Variants in CDK12 observed in about 807,000 individuals in gnomAD.
The protein encoded by CDK12 is cyclin dependent kinase 12.
A neutral mutation model predicts 133.8 loss-of-function variants in CDK12; 17 were observed. That is an observed-to-expected ratio of 0.13 (90% CI 0.09 to 0.19). The LOEUF is 0.19. Among genes scored for constraint, CDK12 ranks in the 10% least tolerant of loss-of-function variants. CDK12 has a pLI of 1.00. For missense variants in CDK12, 1,508 were observed against 1,818.7 expected (o/e 0.83, Z 3.11); for synonymous variants, 694 against 683.6 (o/e 1.02, Z -0.24).
At chr17:39,556,390 A>G (rs2056163923) in exon 3 of CDK12, 1 of 152,262 alleles carries the variant, frequency 6.6e-6, no homozygotes, top group Non-Finnish European at 1.5e-5. Context: ...ATCCTTCCCC[A>G]CAAGTATACT....
chr17:39,468,818 T>A (rs36086097), intron 1 of CDK12, among the ~76,000 whole-genome samples: 8,230 of 151,048 alleles, frequency 0.054, 280 homozygotes, highest in Middle Eastern at 0.09. Flanking sequence ...TTTATTTATT[T>A]ATTTATTTAT....
At chr17:39,538,649 A>G (rs2055255051), downstream of CDK12, among the ~76,000 whole-genome samples, 1 of 152,218 alleles carries the variant, frequency 6.6e-6, no homozygotes, top group Non-Finnish European at 1.5e-5. Flanking sequence ...CTGTAATCCC[A>G]GCACTTTGGG....
At chr17:39,517,299 T>C (rs1443216744) in intron 9 of CDK12, 141 bp from the exon 10 acceptor site, 4 of 638,518 alleles carry the variant, frequency 6.3e-6, no homozygotes, top group Non-Finnish European at 1.1e-5. Flanking sequence ...TAATGTCATA[T>C]TTTCCTTTCT....
chr17:39,463,974 T>C (rs1301871137), intron 1 of CDK12, among the ~76,000 whole-genome samples: 1 of 152,122 alleles, frequency 6.6e-6, no homozygotes, highest in Non-Finnish European at 1.5e-5. Flanking sequence ...GGGCTTTAGT[T>C]AGACCTTTGT....
Position 39,461,710 on chromosome 17 carries a change from T to C in CDK12, c.-362T>C. The C allele has an allele frequency of 6.1e-6, 2 of 325,422 alleles. 1 individual carries two copies. Among genetic ancestry groups the C allele is most frequent in the South Asian group, 1.2e-4 (2 of 16,812 alleles). The allele number at this position is 325,422 out of a possible 1,614,324, so 20.2% of individuals were successfully genotyped here. A position where few individuals can be genotyped will look rare whatever the true frequency, so the allele number is the denominator to read the frequency against. On this transcript the variant is annotated 5_prime_UTR_variant, in exon 1 of 14. Coordinates refer to ENST00000447079, the MANE Select transcript of CDK12 (RefSeq NM_016507.4). ...CGTAGTCCTCGCAGGGCCCCAGAGC[T>C]GGAGTCGGCTCCACAGCCCCGGGCC...
chr17:39,560,065 G>A (rs138837098), intron 3 of CDK12, among the ~76,000 whole-genome samples: 1 of 152,262 alleles, frequency 6.6e-6, no homozygotes, highest in Non-Finnish European at 1.5e-5. Flanking sequence ...TCAAGTTGCT[G>A]AGACTACAGG....
At chr17:39,471,962 C>T (rs1057186120) in intron 2 of CDK12, among the ~76,000 whole-genome samples, 199 bp downstream of exon 2, 7 of 151,952 alleles carry the variant, frequency 4.6e-5, no homozygotes, top group Admixed American at 3.3e-4. Flanking sequence ...CCCATTTTAT[C>T]ATTAAGTTTA....
intron 2 of CDK12, among the ~76,000 whole-genome samples, chr17:39,477,864 C>T (rs1296050188): frequency 1.3e-5 from 2 of 151,952 alleles, no homozygotes; most frequent in Admixed American, 1.3e-4. Context: ...TGAGCCACTG[C>T]ACCCCGCCTA....
downstream of CDK12, chr17:39,534,640 G>T (rs993948981): frequency 2.4e-5 from 5 of 209,046 alleles, no homozygotes; most frequent in African/African-American, 1.1e-4. Context: ...TATCTTAGGG[G>T]TTCTCTGTCT....
chr17:39,527,841 C>A (rs1366203813), intron 13 of CDK12, among the ~76,000 whole-genome samples: 1 of 152,042 alleles, frequency 6.6e-6, no homozygotes, highest in Non-Finnish European at 1.5e-5. Flanking sequence ...GCCACTACCC[C>A]CGGCCTGAAG....
At chr17:39,538,898 C>CGAAT (rs200972378), downstream of CDK12, among the ~76,000 whole-genome samples, 6 of 143,886 alleles carry the variant, frequency 4.2e-5, no homozygotes, top group Admixed American at 2.8e-4. Flanking sequence ...GACTCCATCT[C>CGAAT]AAATAAATAC....
intron 2 of CDK12, among the ~76,000 whole-genome samples, chr17:39,481,721 CTTTTTTCTTTTTTT>C (rs2050721085): frequency 4.7e-5 from 1 of 21,074 alleles, no homozygotes; most frequent in Non-Finnish European, 1.1e-4. Flanking sequence ...TTTCTCTTTT[CTTTTTTCTTTTTTT>C]TTTTTGACAA....
intron 8 of CDK12, among the ~76,000 whole-genome samples, chr17:39,513,982 T>G (rs749376557): frequency 3.3e-5 from 5 of 152,218 alleles, no homozygotes; most frequent in Non-Finnish European, 5.9e-5. Flanking sequence ...TAAATGTCTC[T>G]GATTTTACCC....
At position 39,492,806 on chromosome 17, in the gene CDK12, C is replaced by T. The variant is rs1488101050; in HGVS notation, c.2164C>T (p.Arg722Cys). The change falls in exon 4 of 14, where the codon CGC (arginine) becomes TGC (cysteine). Residue 722 changes from arginine (R) to cysteine (C), a missense_variant. By Grantham distance (180) the Arg-to-Cys change is radical (BLOSUM62 -3). Coordinates refer to ENST00000447079, the MANE Select transcript of CDK12 (RefSeq NM_016507.4). The stretch of plus-strand genomic sequence containing the variant: ...ACAAACAGAAAGCGACTGGGGGAAA[C>T]GCTGTGTGGACAAGTTTGACATTAT... ...RRQTESDWGKRCVDKFDIIGI... is the reference protein window; with the variant it reads ...RRQTESDWGKCCVDKFDIIGI... 5.0e-6 allele frequency: 8 copies of T among 1,613,030 alleles called. No individual in the cohort carries two copies. The highest frequency in any genetic ancestry group is 3.3e-5 in the Admixed American group (2 of 59,956).
At chr17:39,562,924 T>TA (rs2056434157) in intron 3 of CDK12, among the ~76,000 whole-genome samples, 1 of 131,140 alleles carries the variant, frequency 7.6e-6, no homozygotes, top group South Asian at 2.2e-4. Context: ...TTTTTTTTTT[T>TA]ACAACTTAAG....
At chr17:39,535,210 T>C (rs974002928), downstream of CDK12, 2 of 152,112 alleles carry the variant, frequency 1.3e-5, no homozygotes, top group Non-Finnish European at 2.9e-5. Flanking sequence ...CTGCTAGTTA[T>C]GACAAATGGG....
intron 2 of CDK12, among the ~76,000 whole-genome samples, chr17:39,473,694 GCCTGATATGGTGAAAC>G (rs2049972129): frequency 2.0e-5 from 3 of 152,172 alleles, no homozygotes; most frequent in Non-Finnish European, 4.4e-5. Context: ...TTCAAGACCA[GCCTGATATGGTGAAAC>G]CCTGTCTCTA....
Position 39,533,215 on chromosome 17 carries a change from G to C in CDK12, c.*1899G>C. On this transcript the variant is annotated 3_prime_UTR_variant, in exon 14 of 14. Coordinates refer to ENST00000447079, the MANE Select transcript of CDK12 (RefSeq NM_016507.4). ...ATTCTCTGGTTTTTGATCTGGCCTT[G>C]CCTCCAGGGCCAAACACTGATTTAG... 1 of 232,994 alleles carries C rather than the reference G, an allele frequency of 4.3e-6. No homozygotes were observed. The highest frequency in any genetic ancestry group is 8.5e-6 in the Non-Finnish European group (1 of 117,838). The allele number at this position is 232,994 out of a possible 1,614,324, so 14.4% of individuals were successfully genotyped here.
In CDK12 at chr17:39,530,558, CAT is replaced by C. The variant is rs545882866; in HGVS notation, c.3761-45_3761-44del. The C allele has an allele frequency of 9.2e-6, 14 of 1,523,874 alleles. No homozygotes were observed. In the East Asian group the frequency reaches 2.5e-4, roughly 27 times the overall value. The allele number at this position is 1,523,874 out of a possible 1,614,324, so 94.4% of individuals were successfully genotyped here. ...GTGTGTGTGTTTGTGTTTATAATCA[CAT>C]GTGCTTTTTAAGATGGTGTTTAAAA... On this transcript the variant is annotated intron_variant, in intron 13 of 13. Coordinates refer to ENST00000447079, the MANE Select transcript of CDK12 (RefSeq NM_016507.4).
Sources: allele counts gnomAD v4.1 joint callset (sites outside exome capture counted in the v4.1 genomes callset), GRCh38; gene constraint gnomAD v4.1.1; transcripts MANE v1.5; gene names NCBI Gene and HGNC (gene_info 2026-07-23, HGNC 2026-07-21).